Variants in ZFAT observed in about 807,000 individuals in gnomAD.
ZFAT encodes zinc finger and AT-hook domain containing.
In ZFAT, 64 loss-of-function variants were observed where a neutral mutation model predicts 117.7. That is an observed-to-expected ratio of 0.54 (90% CI 0.44 to 0.67). The LOEUF is 0.67. ZFAT is among the 30% of genes least tolerant of loss of function. ZFAT has a pLI of 0.00. For synonymous variants in ZFAT, 679 were observed against 615.0 expected (o/e 1.10, Z -1.54); for missense variants, 1,433 against 1,584.5 (o/e 0.90, Z 1.62).
At chr8:134,604,075 C>T (rs1827707522) in intron 5 of ZFAT, among the ~76,000 whole-genome samples, 1 of 152,246 alleles carries the variant, frequency 6.6e-6, no homozygotes, top group African/African-American at 2.4e-5. Context: ...AAAGCATGGT[C>T]TGCCTGCCTC....
chr8:134,552,826 A>C (rs140099099), intron 11 of ZFAT, among the ~76,000 whole-genome samples: 219 of 152,364 alleles, frequency 1.4e-3, no homozygotes, highest in African/African-American at 5.1e-3. Context: ...TCCAAAATGC[A>C]CAGATTTCAA....
In ZFAT at chr8:134,548,391, C is replaced by A. The variant is rs549340336; in HGVS notation, c.2977-15419G>T. On this transcript the variant is annotated intron_variant, in intron 11 of 15. Coordinates refer to ENST00000377838, the MANE Select transcript of ZFAT (RefSeq NM_020863.4). The stretch of plus-strand genomic sequence containing the variant: ...TGAGAAGTGGGAAGAGCAGGTGCAA[C>A]CAAGCACGGAGATGGAGTGGGACAC... Among the ~76,000 whole-genome samples the A allele has an allele frequency of 1.2e-4, 18 of 152,172 alleles. No homozygotes were observed. In the South Asian group the frequency reaches 3.7e-3, roughly 32 times the overall value.
intron 11 of ZFAT, among the ~76,000 whole-genome samples, chr8:134,548,368 A>G (rs945732276): frequency 2.4e-4 from 37 of 152,190 alleles, no homozygotes; most frequent in African/African-American, 8.7e-4. Flanking sequence ...AAGCAGAGTG[A>G]GAAGTGGGAA....
intron 15 of ZFAT, among the ~76,000 whole-genome samples, chr8:134,496,527 G>A (rs1818449357): frequency 6.6e-6 from 1 of 152,216 alleles, no homozygotes; most frequent in Non-Finnish European, 1.5e-5. Flanking sequence ...AGGCTGCTCA[G>A]CACAAGTCAC....
chr8:134,553,009 T>C (rs1715189631), intron 11 of ZFAT, among the ~76,000 whole-genome samples: 1 of 152,140 alleles, frequency 6.6e-6, no homozygotes, highest in African/African-American at 2.4e-5. Context: ...GCATGTCCTG[T>C]GCGATGCAAA....
At chr8:134,672,198 C>T (rs1208280526) in intron 1 of ZFAT, among the ~76,000 whole-genome samples, 1 of 152,220 alleles carries the variant, frequency 6.6e-6, no homozygotes, top group Non-Finnish European at 1.5e-5. Flanking sequence ...TTTATAGATT[C>T]AATGCCATCC....
intron 11 of ZFAT, among the ~76,000 whole-genome samples, chr8:134,548,922 G>A (rs1822911151): frequency 6.6e-6 from 1 of 152,188 alleles, no homozygotes; most frequent in South Asian, 2.1e-4. Flanking sequence ...ACTCAGAACG[G>A]AACACGCGAA....
chr8:134,722,972 A>T, the ZFAT span: 18 of 152,346 alleles, frequency 1.2e-4, no homozygotes, highest in African/African-American at 4.3e-4. Flanking sequence ...GACACAGAGA[A>T]AAGGTGGCCA....
chr8:134,728,834 A>T, the ZFAT span, among the ~76,000 whole-genome samples: 1 of 152,208 alleles, frequency 6.6e-6, no homozygotes, highest in African/African-American at 2.4e-5. Flanking sequence ...AAAGTAAATT[A>T]TGCATTACAT....
chr8:134,608,990 C>A (rs1828114980), intron 4 of ZFAT, 111 bp from the exon 5 acceptor site: 4 of 1,281,338 alleles, frequency 3.1e-6, no homozygotes, highest in Non-Finnish European at 3.1e-6. Flanking sequence ...CTGTCTGATA[C>A]CCACGCAAGA....
intron 15 of ZFAT, among the ~76,000 whole-genome samples, chr8:134,494,053 C>A (rs149143198): frequency 6.6e-6 from 1 of 152,164 alleles, no homozygotes; most frequent in East Asian, 1.9e-4. Context: ...AGTGCACATA[C>A]ACTGAATCTC....
At chr8:134,800,472 T>G in the ZFAT span, 1 of 474,096 alleles carries the variant, frequency 2.1e-6, no homozygotes, top group South Asian at 1.6e-5. Context: ...TTCAAGCCTC[T>G]GTATACTATT....
chr8:134,759,060 C>A, the ZFAT span, among the ~76,000 whole-genome samples: 1 of 152,152 alleles, frequency 6.6e-6, no homozygotes, highest in Non-Finnish European at 1.5e-5. Flanking sequence ...CATTGTCTAT[C>A]AAAACTCATG....
At chr8:134,559,230 T>C (rs1823880422) in intron 11 of ZFAT, among the ~76,000 whole-genome samples, 1 of 152,228 alleles carries the variant, frequency 6.6e-6, no homozygotes, top group Non-Finnish European at 1.5e-5. Flanking sequence ...CTCACCCACC[T>C]GCAACAGGTT....
At chr8:134,766,433 T>C in the ZFAT span, 1 of 152,224 alleles carries the variant, frequency 6.6e-6, no homozygotes, top group Non-Finnish European at 1.5e-5. Flanking sequence ...CTGTACCTAT[T>C]GTCGAGGTTC....
Position 134,622,600 on chromosome 8 carries a change from T to C in ZFAT, c.449-11945A>G, listed in dbSNP as rs368471587. ...GCAAGCATCCAGAGTCCCCTGAAGT[T>C]CTGGTGAGGTCCTGCTTGCCCTTCC... is the stretch of plus-strand genomic sequence containing the variant. On this transcript the variant is annotated intron_variant, in intron 3 of 15. Transcript: ENST00000377838. Among the ~76,000 whole-genome samples the C allele has an allele frequency of 3.9e-5, 6 of 152,016 alleles. No homozygotes were observed. In the East Asian group the frequency reaches 1.2e-3, roughly 29 times the overall value.
At chr8:134,667,244 A>T (rs1390510926) in intron 1 of ZFAT, among the ~76,000 whole-genome samples, 1 of 152,152 alleles carries the variant, frequency 6.6e-6, no homozygotes, top group Non-Finnish European at 1.5e-5. Context: ...CTGTAATCCC[A>T]GCACTTTGGG....
chr8:134,694,097 G>A (rs1447353151), intron 1 of ZFAT, among the ~76,000 whole-genome samples: 2 of 152,198 alleles, frequency 1.3e-5, no homozygotes, highest in African/African-American at 4.8e-5. Context: ...CACAAGGCCA[G>A]AGGCAGCGCT....
the ZFAT span, among the ~76,000 whole-genome samples, chr8:134,811,333 T>G: frequency 5.9e-5 from 9 of 152,170 alleles, no homozygotes; most frequent in East Asian, 1.7e-3. Flanking sequence ...ACGTCTCTGA[T>G]GCAGGGAACT....
Sources: allele counts gnomAD v4.1 joint callset (sites outside exome capture counted in the v4.1 genomes callset), GRCh38; gene constraint gnomAD v4.1.1; transcripts MANE v1.5; gene names NCBI Gene and HGNC (gene_info 2026-07-23, HGNC 2026-07-21).